TENM2: variants seen among roughly 807,000 people sequenced by gnomAD.
The protein encoded by TENM2 is teneurin-2.
TENM2 carries 52 observed loss-of-function variants against 245.2 expected under a neutral mutation model. The ratio of observed to expected loss-of-function variants is 0.21; its 90% CI spans 0.17 to 0.27. The LOEUF is 0.27. TENM2 is among the 10% of genes least tolerant of loss of function. The pLI is 1.00. For missense variants in TENM2, 3,046 were observed against 3,666.8 expected, an observed-to-expected ratio of 0.83 and a Z score of 4.37; for synonymous variants, 1,363 against 1,438.9, an observed-to-expected ratio of 0.95 and a Z score of 1.19.
chr5:167,991,539 C>T (rs1783665867), intron 4 of TENM2, among the ~76,000 whole-genome samples: 1 of 152,178 alleles, frequency 6.6e-6, no homozygotes, highest in Non-Finnish European at 1.5e-5. Context: ...AAGAAAGAAT[C>T]ATCAGAGAAT....
chr5:168,236,541 G>A (rs1451401313), intron 25 of TENM2, among the ~76,000 whole-genome samples: 1 of 152,052 alleles, frequency 6.6e-6, no homozygotes, highest in African/African-American at 2.4e-5. Flanking sequence ...GCTTTCTCTG[G>A]GAAATCATCC....
At chr5:167,891,785 C>T (rs946713094) in intron 3 of TENM2, among the ~76,000 whole-genome samples, 2 of 152,134 alleles carry the variant, frequency 1.3e-5, no homozygotes, top group Non-Finnish European at 2.9e-5. Flanking sequence ...GAAGATCTAT[C>T]ATCGCATCTG....
At chr5:167,616,732 C>A (rs185303474) in intron 2 of TENM2, among the ~76,000 whole-genome samples, 24 of 152,170 alleles carry the variant, frequency 1.6e-4, no homozygotes, top group Admixed American at 1.4e-3. Context: ...AGGAAACAAA[C>A]AGTGTAATTG....
At chr5:167,989,932 G>A (rs1580983604) in intron 4 of TENM2, among the ~76,000 whole-genome samples, 2 of 152,172 alleles carry the variant, frequency 1.3e-5, no homozygotes, top group African/African-American at 4.8e-5. Flanking sequence ...GAGCTAAGGA[G>A]TCATGAGCTA....
intron 2 of TENM2, chr5:167,653,248 A>G (rs1020757236): frequency 8.6e-5 from 13 of 152,026 alleles, no homozygotes; most frequent in African/African-American, 2.7e-4. Flanking sequence ...GTAATTTTAT[A>G]TATTTATTTC....
chr5:167,064,710 G>C, the TENM2 span, among the ~76,000 whole-genome samples: 1 of 152,154 alleles, frequency 6.6e-6, no homozygotes, highest in Non-Finnish European at 1.5e-5. Context: ...AACAACTCTT[G>C]AAGTATCCTT....
chr5:167,657,781 T>C (rs983843525), intron 2 of TENM2, among the ~76,000 whole-genome samples: 1 of 152,250 alleles, frequency 6.6e-6, no homozygotes, highest in East Asian at 1.9e-4. Context: ...AAATAGAGGT[T>C]GCTGTGTTTC....
intron 7 of TENM2, among the ~76,000 whole-genome samples, chr5:168,087,946 T>C (rs1438702849): frequency 6.6e-6 from 1 of 152,174 alleles, no homozygotes; most frequent in African/African-American, 2.4e-5. Context: ...CCCTCTGTGC[T>C]TCTGTGCAGG....
intron 2 of TENM2, among the ~76,000 whole-genome samples, chr5:167,747,589 G>A (rs1245542354): frequency 6.6e-6 from 1 of 152,132 alleles, no homozygotes; most frequent in Admixed American, 6.6e-5. Flanking sequence ...AACATTGATC[G>A]AGACTTTTCT....
chr5:167,088,886 C>T, the TENM2 span, among the ~76,000 whole-genome samples: 1 of 152,292 alleles, frequency 6.6e-6, no homozygotes, highest in Non-Finnish European at 1.5e-5. Context: ...AAGCAGTTGA[C>T]TGAAGTCCCA....
At chr5:167,628,361 G>A (rs1778650980) in intron 2 of TENM2, among the ~76,000 whole-genome samples, 1 of 152,124 alleles carries the variant, frequency 6.6e-6, no homozygotes, top group Non-Finnish European at 1.5e-5. Flanking sequence ...TGACCCAGAG[G>A]CCACAGCATA....
At chr5:167,051,021 C>CAAA in the TENM2 span, among the ~76,000 whole-genome samples, 1 of 152,044 alleles carries the variant, frequency 6.6e-6, no homozygotes, top group Admixed American at 6.6e-5. Flanking sequence ...GGCACTTTTC[C>CAAA]CCCTGTGGCC....
chr5:167,169,628 C>G, the TENM2 span, among the ~76,000 whole-genome samples: 1 of 152,176 alleles, frequency 6.6e-6, no homozygotes, highest in Non-Finnish European at 1.5e-5. Flanking sequence ...AGTAAGCACT[C>G]AATAAATAGT....
chr5:168,262,976 G>A, exon 29 of TENM2: 1 of 625,510 alleles, frequency 1.6e-6, no homozygotes, highest in Non-Finnish European at 2.7e-6. Context: ...TACTGTCCAA[G>A]CGAGAAGTCC....
chr5:167,466,058 T>TC (rs1766631641), intron 2 of TENM2, among the ~76,000 whole-genome samples: 2 of 151,912 alleles, frequency 1.3e-5, no homozygotes, highest in Admixed American at 1.3e-4. Context: ...CTTCCCCCTC[T>TC]CCCCCCTCAG....
At chr5:167,201,653 T>C in the TENM2 span, among the ~76,000 whole-genome samples, 3 of 152,224 alleles carry the variant, frequency 2.0e-5, no homozygotes, top group Admixed American at 1.3e-4. Context: ...ACAACTGTAC[T>C]GTATCTCTCT....
At chr5:167,858,410 T>C (rs888737980) in intron 2 of TENM2, among the ~76,000 whole-genome samples, 1 of 152,386 alleles carries the variant, frequency 6.6e-6, no homozygotes, top group East Asian at 1.9e-4. Context: ...TGTTTGTTCA[T>C]GTCTGAAATG....
the TENM2 span, among the ~76,000 whole-genome samples, chr5:167,048,219 C>A: frequency 6.6e-6 from 1 of 152,260 alleles, no homozygotes; most frequent in African/African-American, 2.4e-5. Flanking sequence ...GGAATCATAA[C>A]ATTGATGGAA....
At chr5:167,127,683 T>C in the TENM2 span, among the ~76,000 whole-genome samples, 1 of 151,234 alleles carries the variant, frequency 6.6e-6, no homozygotes, top group East Asian at 1.9e-4. Flanking sequence ...ATTACTTTAA[T>C]GAGCCTCTGG....
Sources: allele counts gnomAD v4.1 joint callset (sites outside exome capture counted in the v4.1 genomes callset), GRCh38; gene constraint gnomAD v4.1.1; transcripts MANE v1.5; gene names NCBI Gene and HGNC (gene_info 2026-07-23, HGNC 2026-07-21).